Variants in PPHLN1 observed in about 807,000 individuals in gnomAD.
The protein encoded by PPHLN1 is periphilin-1.
A neutral mutation model predicts 51.3 loss-of-function variants in PPHLN1; 29 were observed. The ratio of observed to expected loss-of-function variants is 0.57; its 90% confidence interval spans 0.42 to 0.77. PPHLN1 has a LOEUF of 0.77. Ranked by LOEUF, PPHLN1 falls within the 30% of genes least tolerant of loss-of-function variation. PPHLN1 has a pLI of 0.00. For missense variants in PPHLN1, 436 were observed against 438.4 expected (o/e 0.99, Z 0.05); for synonymous variants, 147 against 147.8 (o/e 0.99, Z 0.04).
At chr12:42,372,978 A>G (rs1250741721) in intron 4 of PPHLN1, among the ~76,000 whole-genome samples, 1 of 152,164 alleles carries the variant, frequency 6.6e-6, no homozygotes, top group Non-Finnish European at 1.5e-5. Flanking sequence ...ATATTCTTGT[A>G]TATGTAAAAT....
At chr12:42,337,751 TTTTTATTTTA>T (rs567793160) in intron 2 of PPHLN1, among the ~76,000 whole-genome samples, 63 of 142,366 alleles carry the variant, frequency 4.4e-4, no homozygotes, top group African/African-American at 1.4e-3. Flanking sequence ...TACCTGGCTA[TTTTTATTTTA>T]TTTTATTTTA....
At chr12:42,417,504 TA>T in intron 9 of PPHLN1, among the ~76,000 whole-genome samples, 1 of 151,530 alleles carries the variant, frequency 6.6e-6, no homozygotes, top group Middle Eastern at 3.4e-3. Context: ...TACATGTTGG[TA>T]TGGAAGTCAA....
At chr12:42,406,582 TA>T (rs1003350438) in intron 9 of PPHLN1, among the ~76,000 whole-genome samples, 24 of 152,322 alleles carry the variant, frequency 1.6e-4, no homozygotes, top group African/African-American at 4.3e-4. Flanking sequence ...CCTTTTTTTG[TA>T]AAACGGCTAT....
chr12:42,426,191 C>A (rs1334359243), intron 9 of PPHLN1, among the ~76,000 whole-genome samples: 3 of 80,178 alleles, frequency 3.7e-5, no homozygotes, highest in Admixed American at 2.7e-4. Context: ...CACACACACA[C>A]ACACACACAC....
chr12:42,432,872 A>G (rs1157101449), intron 9 of PPHLN1, among the ~76,000 whole-genome samples: 2 of 152,250 alleles, frequency 1.3e-5, no homozygotes, highest in Non-Finnish European at 2.9e-5. Flanking sequence ...TCACAAACGC[A>G]TGTCACTCAA....
chr12:42,338,727 A>G (rs1004876840), intron 2 of PPHLN1, among the ~76,000 whole-genome samples: 2 of 152,218 alleles, frequency 1.3e-5, no homozygotes, highest in Non-Finnish European at 2.9e-5. Context: ...GAAGCTCTCA[A>G]TCCTTGTTGT....
intron 4 of PPHLN1, among the ~76,000 whole-genome samples, chr12:42,355,859 T>C (rs1178936318): frequency 2.0e-5 from 3 of 152,140 alleles, no homozygotes; most frequent in African/African-American, 7.2e-5. Context: ...TTTGATTTGA[T>C]AGGTTTGCTT....
At chr12:42,363,900 T>C (rs947946656) in intron 4 of PPHLN1, among the ~76,000 whole-genome samples, 9 of 149,830 alleles carry the variant, frequency 6.0e-5, no homozygotes, top group African/African-American at 2.0e-4. Flanking sequence ...TTCAGGTCAT[T>C]TTTTCCCCCT....
rs2077293652 is a variant in PPHLN1 at position 42,387,546 on chromosome 12, T to C, written c.648+11T>C. 1 of 1,608,362 alleles carries C rather than the reference T, an allele frequency of 6.2e-7. No homozygotes were observed. The highest frequency in any genetic ancestry group is 1.3e-5 in the African/African-American group (1 of 74,478). ...GTTTCTTCATCAAAGGTTTGTTATA[T>C]TTCTAAAATCAGTTTAAAGAAGAAT... On this transcript the variant is annotated intron_variant, in intron 7 of 9. Transcript: ENST00000358314.
intron 9 of PPHLN1, among the ~76,000 whole-genome samples, chr12:42,435,042 C>T (rs1566031276): frequency 6.6e-6 from 1 of 152,140 alleles, no homozygotes; most frequent in Non-Finnish European, 1.5e-5. Flanking sequence ...TTGGCATTAA[C>T]TATTCTGCAA....
At chr12:42,393,784 A>T in intron 8 of PPHLN1, 95 bp downstream of exon 8, 1 of 1,217,428 alleles carries the variant, frequency 8.2e-7, no homozygotes, top group Non-Finnish European at 1.1e-6. Flanking sequence ...CCTATACTTC[A>T]AAATATATCC....
chr12:42,440,056 A>C (rs966231966), intron 9 of PPHLN1, among the ~76,000 whole-genome samples: 1 of 150,528 alleles, frequency 6.6e-6, no homozygotes, highest in Non-Finnish European at 1.5e-5. Context: ...TTCTTGGGCT[A>C]TCTCTCTATA....
chr12:42,419,707 C>A (rs1669936), intron 9 of PPHLN1, among the ~76,000 whole-genome samples: 93,150 of 152,090 alleles, frequency 0.61, 28,709 homozygotes, highest in Admixed American at 0.67. Context: ...AAGAAAATAA[C>A]TTATACCTGT....
At chr12:42,329,644 G>A (rs2137641466) in intron 1 of PPHLN1, among the ~76,000 whole-genome samples, 1 of 152,234 alleles carries the variant, frequency 6.6e-6, no homozygotes, top group African/African-American at 2.4e-5. Flanking sequence ...GGACTAATGT[G>A]TATTAAAAGT....
At chr12:42,373,202 A>C (rs1418241570) in intron 4 of PPHLN1, among the ~76,000 whole-genome samples, 1 of 152,222 alleles carries the variant, frequency 6.6e-6, no homozygotes. Flanking sequence ...CCAGCACCTC[A>C]CACAATTTCT....
At chr12:42,355,298 C>A in intron 4 of PPHLN1, 76 bp downstream of exon 4, 1 of 1,226,246 alleles carries the variant, frequency 8.2e-7, no homozygotes, top group Non-Finnish European at 1.2e-6. Context: ...AATATAGACT[C>A]AAGGCACATA....
chr12:42,358,737 T>C lies in PPHLN1; in HGVS notation c.299+3515T>C, dbSNP rs78542171. On this transcript the variant is annotated intron_variant, in intron 4 of 9. Coordinates refer to ENST00000358314, the MANE Select transcript of PPHLN1 (RefSeq NM_201439.2). Reference sequence around the variant, plus strand: ...AATCTTTTTAATGGTCAAGTAATAGTCCATGGTGAGGATATGTCAAATAAT... The same window carrying C: ...AATCTTTTTAATGGTCAAGTAATAGCCCATGGTGAGGATATGTCAAATAAT... 7.2e-3 allele frequency among the ~76,000 whole-genome samples: 1,089 copies of C among 152,232 alleles called. 42 individuals are homozygous for C. In the East Asian group the frequency reaches 0.09, roughly 13 times the overall value.
At chr12:42,374,439 A>G (rs933552242) in intron 4 of PPHLN1, among the ~76,000 whole-genome samples, 1 of 10,476 alleles carries the variant, frequency 9.5e-5, no homozygotes, top group African/African-American at 1.1e-4. Context: ...CAAGAGTACA[A>G]ATTTTTTTTT....
intron 1 of PPHLN1, among the ~76,000 whole-genome samples, chr12:42,332,276 A>G (rs1051933892): frequency 5.3e-5 from 8 of 152,214 alleles, no homozygotes; most frequent in African/African-American, 1.7e-4. Flanking sequence ...TCTGTCTTCT[A>G]ATTACCATAG....
Sources: gnomAD v4.1 joint callset for allele counts (sites outside exome capture counted in the v4.1 genomes callset) on GRCh38, gnomAD v4.1.1 for gene constraint, MANE v1.5 for transcripts, NCBI Gene and HGNC (gene_info 2026-07-23, HGNC 2026-07-21) for gene names.